WDR7: variants seen among roughly 807,000 people sequenced by gnomAD.
The protein encoded by WDR7 is WD repeat domain 7.
WDR7 carries 46 observed loss-of-function variants against 169.4 expected under a neutral mutation model. The ratio of observed to expected loss-of-function variants is 0.27; its 90% CI spans 0.21 to 0.35. WDR7 has a LOEUF of 0.35. WDR7 is among the 10% of genes least tolerant of loss of function. The pLI is 1.00. For synonymous variants in WDR7, 612 were observed against 666.8 expected, an observed-to-expected ratio of 0.92 and a Z score of 1.27; for missense variants, 1,534 against 1,859.3, an observed-to-expected ratio of 0.83 and a Z score of 3.22.
intron 20 of WDR7, among the ~76,000 whole-genome samples, chr18:56,837,088 G>A (rs1306175104): frequency 6.6e-6 from 1 of 152,120 alleles, no homozygotes; most frequent in Non-Finnish European, 1.5e-5. Context: ...ATTTAATTTG[G>A]GAAGGTTAAT....
intron 1 of WDR7, among the ~76,000 whole-genome samples, chr18:56,661,862 G>T (rs1318507895): frequency 1.3e-5 from 2 of 152,022 alleles, no homozygotes; most frequent in African/African-American, 4.8e-5. Flanking sequence ...TCAATTGATT[G>T]GTGGTAAATG....
intron 12 of WDR7, among the ~76,000 whole-genome samples, chr18:56,715,182 G>T (rs1367751333): frequency 6.6e-6 from 1 of 152,166 alleles, no homozygotes; most frequent in African/African-American, 2.4e-5. Context: ...AATGGCTCTA[G>T]TCCTCTCTCT....
At chr18:56,819,424 G>A (rs982463603) in intron 20 of WDR7, among the ~76,000 whole-genome samples, 9 of 151,954 alleles carry the variant, frequency 5.9e-5, no homozygotes, top group African/African-American at 1.9e-4. Flanking sequence ...TCTATTGATC[G>A]GCTCTACAGA....
At chr18:56,935,974 G>A in intron 23 of WDR7, 69 bp downstream of exon 23, 1 of 1,372,282 alleles carries the variant, frequency 7.3e-7, no homozygotes, top group Non-Finnish European at 1.0e-6. Context: ...TAAGCTGAGG[G>A]TTCATATCCA....
At chr18:57,019,570 T>C (rs2086769510) in intron 26 of WDR7, among the ~76,000 whole-genome samples, 1 of 152,156 alleles carries the variant, frequency 6.6e-6, no homozygotes, top group Non-Finnish European at 1.5e-5. Flanking sequence ...CCACAGTCCC[T>C]TGAAAGTCTA....
chr18:56,813,173 A>C (rs1377400907), intron 19 of WDR7, among the ~76,000 whole-genome samples: 1 of 143,668 alleles, frequency 7.0e-6, no homozygotes, highest in Non-Finnish European at 1.5e-5. Flanking sequence ...TAAAACTTAG[A>C]GTATAATAAA....
chr18:56,735,956 A>G (rs1391502276), intron 14 of WDR7, among the ~76,000 whole-genome samples: 1 of 152,208 alleles, frequency 6.6e-6, no homozygotes, highest in Non-Finnish European at 1.5e-5. Flanking sequence ...CACGATCGTA[A>G]GTACAGTTCT....
intron 16 of WDR7, among the ~76,000 whole-genome samples, chr18:56,776,046 C>T (rs1027117745): frequency 1.3e-5 from 2 of 151,966 alleles, no homozygotes; most frequent in African/African-American, 4.8e-5. Context: ...TTTGCTTTTT[C>T]GTATGATAAT....
At chr18:56,865,350 C>T (rs1234471915) in intron 20 of WDR7, among the ~76,000 whole-genome samples, 1 of 152,100 alleles carries the variant, frequency 6.6e-6, no homozygotes, top group Non-Finnish European at 1.5e-5. Context: ...GTATTGATTT[C>T]ATTGGTGTGG....
In WDR7 at chr18:56,836,670, AG is replaced by A. The variant is rs534274460; in HGVS notation, c.3304+20527del. Among the ~76,000 whole-genome samples, 983 of 152,330 alleles carry A rather than the reference AG, an allele frequency of 6.5e-3. 12 individuals carry two copies. Among genetic ancestry groups the A allele is most frequent in the Middle Eastern group, 0.024 (7 of 294 alleles). On this transcript the variant is annotated intron_variant, in intron 20 of 27. Coordinates refer to ENST00000254442, the MANE Select transcript of WDR7 (RefSeq NM_015285.3). ...TATTTTCCATAAAATTATCAATAAA[AG>A]AAGATAATATGAACACAAAGGATGA...
chr18:56,986,128 T>TTG (rs60449836), intron 26 of WDR7, among the ~76,000 whole-genome samples: 4,529 of 136,244 alleles, frequency 0.033, 138 homozygotes, highest in African/African-American at 0.085. Context: ...TTCAGCTTCT[T>TTG]TGTGTGTGTG....
chr18:56,814,486 A>C (rs944320036), intron 19 of WDR7, among the ~76,000 whole-genome samples: 4 of 152,152 alleles, frequency 2.6e-5, no homozygotes, highest in Non-Finnish European at 4.4e-5. Context: ...TTTTACTGAT[A>C]GCTATCTTTA....
intron 12 of WDR7, among the ~76,000 whole-genome samples, chr18:56,713,297 A>G (rs1365377227): frequency 6.6e-6 from 1 of 152,202 alleles, no homozygotes; most frequent in East Asian, 1.9e-4. Context: ...GGCTAATGTA[A>G]TGTGAAGTTA....
chr18:57,022,023 T>C (rs1313088230), intron 27 of WDR7, among the ~76,000 whole-genome samples: 1 of 152,256 alleles, frequency 6.6e-6, no homozygotes, highest in African/African-American at 2.4e-5. Context: ...CTCATTAGCC[T>C]TTCTTCCAGA....
At chr18:56,746,075 T>TTAAC (rs1193058479) in intron 14 of WDR7, among the ~76,000 whole-genome samples, 2 of 152,192 alleles carry the variant, frequency 1.3e-5, no homozygotes, top group East Asian at 3.9e-4. Flanking sequence ...GGCCCTAAAA[T>TTAAC]TAACCTTGAA....
At chr18:57,015,609 C>A (rs1447018319) in intron 26 of WDR7, among the ~76,000 whole-genome samples, 1 of 152,202 alleles carries the variant, frequency 6.6e-6, no homozygotes, top group Non-Finnish European at 1.5e-5. Flanking sequence ...GCCATGAAAT[C>A]TACGGGCTCC....
chr18:56,783,794 G>A (rs748513951), intron 19 of WDR7, among the ~76,000 whole-genome samples: 9 of 152,120 alleles, frequency 5.9e-5, no homozygotes, highest in African/African-American at 9.7e-5. Context: ...AGAGAAAAAC[G>A]TTGGGAAAAA....
At position 56,653,309 on chromosome 18, in the gene WDR7, C is replaced by T. The variant is rs1431146631; in HGVS notation, c.-20+1733C>T. 4.6e-5 allele frequency among the ~76,000 whole-genome samples: 7 copies of T among 152,128 alleles called. No individual in the cohort carries two copies. In the East Asian group the frequency reaches 9.7e-4, roughly 21 times the overall value. On this transcript the variant is annotated intron_variant, in intron 1 of 27. Transcript: ENST00000254442. ...GCAACCTCCCCATCCCGGGCTCAAG[C>T]GATTCTCCTGCCTCAGCCTCCTGAC... is the stretch of plus-strand genomic sequence containing the variant.
intron 26 of WDR7, among the ~76,000 whole-genome samples, chr18:56,985,383 AACCAAATTTTAAAATATATCACAAG>A (rs2145841279): frequency 6.6e-6 from 1 of 152,290 alleles, no homozygotes; most frequent in Non-Finnish European, 1.5e-5. Context: ...GTATTTTCAA[AACCAAATTTTAAAATATATCACAAG>A]GATTATGCTA....
Sources: gnomAD v4.1 joint callset for allele counts (sites outside exome capture counted in the v4.1 genomes callset) on GRCh38, gnomAD v4.1.1 for gene constraint, MANE v1.5 for transcripts, NCBI Gene and HGNC (gene_info 2026-07-23, HGNC 2026-07-21) for gene names.